LRRC61: variants seen among roughly 807,000 people sequenced by gnomAD.
The protein encoded by LRRC61 is leucine rich repeat containing 61.
Under a neutral mutation model 15.1 loss-of-function variants are expected in LRRC61, and 9 were observed. The ratio of observed to expected loss-of-function variants is 0.60; its 90% CI spans 0.36 to 1.04. The LOEUF (loss-of-function observed/expected upper bound fraction) is 1.04, where lower values mean the gene tolerates loss of function less well. LRRC61 is among the 50% of genes least tolerant of loss of function. LRRC61 has a pLI of 0.01. For missense variants in LRRC61, 344 were observed against 335.6 expected (o/e 1.03, Z -0.20); for synonymous variants, 173 against 158.6 (o/e 1.09, Z -0.68).
At position 150,330,305 on chromosome 7, in the gene LRRC61, G is replaced by A. The variant is rs921292063; in HGVS notation, c.-145+4295G>A. 13 of 707,444 alleles carry A rather than the reference G, an allele frequency of 1.8e-5. No homozygotes were observed. Among genetic ancestry groups the A allele is most frequent in the Non-Finnish European group, 3.3e-5 (13 of 389,642 alleles). 43.8% of individuals were successfully genotyped at this position (707,444 alleles called of 1,614,324 possible). On this transcript the variant is annotated intron_variant, in intron 2 of 2. Coordinates refer to ENST00000359623, the MANE Select transcript of LRRC61 (RefSeq NM_001142928.2). This position sits in a 1 kb window ranked among gnomAD's most constrained non-coding sequence, Gnocchi z 4.6. ...TGGAGCAGCAGCAGCCCCTTCAAGAGTACAAGGGCAGGCACCAGCTGGGGA... is the reference window on the plus strand; with the variant it reads ...TGGAGCAGCAGCAGCCCCTTCAAGAATACAAGGGCAGGCACCAGCTGGGGA...
At position 150,336,919 on chromosome 7, in the gene LRRC61, C is replaced by T; in HGVS notation, c.58C>T (p.Leu20=). The T allele has an allele frequency of 6.2e-7, 1 of 1,613,594 alleles. No individual in the cohort carries two copies. Among genetic ancestry groups the T allele is most frequent in the Non-Finnish European group, 8.5e-7 (1 of 1,179,970 alleles). The stretch of plus-strand genomic sequence containing the variant: ...TGGCGGACTGCAGATCACACCCCAG[C>T]TGCTGAAGTCACGCACAGGCGAGTT... The part of the protein sequence containing the change: ...EAGGLQITPQ[L]LKSRTGEFSL... Residue 20 remains leucine, a synonymous_variant, in exon 3 of 3, where the codon CTG becomes TTG. Coordinates refer to ENST00000359623, the MANE Select transcript of LRRC61 (RefSeq NM_001142928.2).
In LRRC61 at chr7:150,325,925, G is replaced by A. The variant is rs1797950714; in HGVS notation, c.-230G>A. On this transcript the variant is annotated 5_prime_UTR_variant, in exon 2 of 3. Transcript: ENST00000359623. ...CTTCTGTGGAAGAGAACATGGTGGT[G>A]TCACTGTTGTACCAGTGATGACACA... 1 of 152,666 alleles carries A rather than the reference G, an allele frequency of 6.6e-6. No homozygotes were observed. The highest frequency in any genetic ancestry group is 1.5e-5 in the Non-Finnish European group (1 of 68,036). 9.5% of individuals were successfully genotyped at this position (152,666 alleles called of 1,614,324 possible).
upstream of LRRC61, among the ~76,000 whole-genome samples, chr7:150,319,358 C>A (rs188710443): frequency 2.0e-5 from 3 of 152,286 alleles, no homozygotes; most frequent in East Asian, 3.9e-4. Context: ...CAGGCATGCA[C>A]CACCATGCCT....
In LRRC61 at chr7:150,323,433, C is replaced by G. The variant is rs1012732928; in HGVS notation, c.-442C>G. ...GGGCACGCGGCCCAGGGGTCAGGGGCCGCCAGGCGGCGGGCGGCGGGGCTG... is the reference window on the plus strand; with the variant it reads ...GGGCACGCGGCCCAGGGGTCAGGGGGCGCCAGGCGGCGGGCGGCGGGGCTG... On this transcript the variant is annotated 5_prime_UTR_variant, in exon 1 of 3. Transcript: ENST00000359623. The G allele has an allele frequency of 1.5e-5, 5 of 344,046 alleles. No homozygotes were observed. Among genetic ancestry groups the G allele is most frequent in the Non-Finnish European group, 2.8e-5 (5 of 181,584 alleles). 21.3% of individuals were successfully genotyped at this position (344,046 alleles called of 1,614,324 possible).
At chr7:150,329,556 G>A (rs1441713504) in intron 2 of LRRC61, among the ~76,000 whole-genome samples, 1 of 152,182 alleles carries the variant, frequency 6.6e-6, no homozygotes, top group East Asian at 1.9e-4. Flanking sequence ...CCCAAGAGTG[G>A]GCTGTGAGGA....
the LRRC61 span, among the ~76,000 whole-genome samples, chr7:150,312,367 G>A: frequency 2.6e-5 from 4 of 152,082 alleles, no homozygotes; most frequent in South Asian, 2.1e-4. Flanking sequence ...GAACTTCTCC[G>A]TTCAGACCGC....
upstream of LRRC61, among the ~76,000 whole-genome samples, chr7:150,320,533 T>C (rs1388158277): frequency 1.3e-5 from 2 of 152,094 alleles, no homozygotes; most frequent in Non-Finnish European, 1.5e-5. Context: ...GAGGCTGAGG[T>C]GGGTGGATCA....
rs150477903 is a variant in LRRC61 at position 150,337,488 on chromosome 7, C to T, written c.627C>T (p.Pro209=). ...WVEPGYWESW[P]SRSSSILEEA... is the part of the protein sequence containing the mutation. ...AGCCAGGCTACTGGGAGTCCTGGCC[C>T]AGCCGGAGCAGCTCCATCCTGGAGG... The change falls in exon 3 of 3, where the codon CCC becomes CCT. Residue 209 remains proline (P), a synonymous_variant. Coordinates refer to ENST00000359623, the MANE Select transcript of LRRC61 (RefSeq NM_001142928.2). 55 of 1,602,384 alleles carry T rather than the reference C, an allele frequency of 3.4e-5. No individual in the cohort carries two copies. The highest frequency in any genetic ancestry group is 5.3e-5 in the African/African-American group (4 of 74,910).
In LRRC61 at chr7:150,336,868, C is replaced by G. The variant is rs1406226868; in HGVS notation, c.7C>G (p.Pro3Ala). ...CCCAACCGACTTCCATCTCATGGAC[C>G]CTCCAGCGGAGAAGCCGGGAGAGGC... MD[P>A]PAEKPGEAGG... is the part of the protein sequence containing the mutation. Residue 3 changes from proline (P) to alanine (A), a missense_variant, in exon 3 of 3, where the codon CCT (proline) becomes GCT (alanine). Transcript: ENST00000359623. 4 of 1,609,620 alleles carry G rather than the reference C, an allele frequency of 2.5e-6. No individual in the cohort carries two copies. The South Asian group carries it at 4.4e-5, about 18-fold the overall frequency.
At chr7:150,329,138 A>C (rs1207947241) in intron 2 of LRRC61, among the ~76,000 whole-genome samples, 1 of 152,244 alleles carries the variant, frequency 6.6e-6, no homozygotes, top group Non-Finnish European at 1.5e-5. Flanking sequence ...AACATGAGGT[A>C]GTTCAATAGG....
the LRRC61 span, among the ~76,000 whole-genome samples, chr7:150,312,556 G>C: frequency 6.6e-6 from 1 of 152,142 alleles, no homozygotes; most frequent in Admixed American, 6.5e-5. Context: ...ACTGTTTTTA[G>C]AGAACTTATT....
At chr7:150,315,793 TA>T in the LRRC61 span, among the ~76,000 whole-genome samples, 1 of 151,928 alleles carries the variant, frequency 6.6e-6, no homozygotes, top group Non-Finnish European at 1.5e-5. Context: ...CTCCCCTTTT[TA>T]ATAAAAACAC....
At chr7:150,312,352 C>G in the LRRC61 span, among the ~76,000 whole-genome samples, 3 of 152,194 alleles carry the variant, frequency 2.0e-5, no homozygotes, top group Non-Finnish European at 4.4e-5. Context: ...GCAATCAAAA[C>G]TATTGAACTT....
chr7:150,334,611 C>T (rs1798228142), intron 2 of LRRC61, among the ~76,000 whole-genome samples: 1 of 152,248 alleles, frequency 6.6e-6, no homozygotes, highest in African/African-American at 2.4e-5. Flanking sequence ...TCCCTCCAGC[C>T]TGGAGCTCCA....
intron 1 of LRRC61, 60 bp downstream of exon 1, chr7:150,323,620 G>C (rs1476678603): frequency 2.2e-6 from 1 of 454,102 alleles, no homozygotes; most frequent in East Asian, 7.1e-5. Context: ...GGCCCGTGCC[G>C]GCCCCGGGGG....
In LRRC61 at chr7:150,337,125, G is replaced by A. The variant is rs200032049; in HGVS notation, c.264G>A (p.Thr88=). 33 of 1,612,038 alleles carry A rather than the reference G, an allele frequency of 2.0e-5. No homozygotes were observed. The highest frequency in any genetic ancestry group is 2.0e-4 in the East Asian group (9 of 44,878). The change falls in exon 3 of 3, where the codon ACG becomes ACA. Residue 88 remains threonine, a synonymous_variant. Transcript: ENST00000359623. ...AVLNVSNNRL[T]GLEPLATCEN... Reference sequence around the variant, plus strand: ...TCAATGTCTCCAACAATCGGCTGACGGGCCTGGAGCCACTGGCCACCTGTG... The same window carrying A: ...TCAATGTCTCCAACAATCGGCTGACAGGCCTGGAGCCACTGGCCACCTGTG...
chr7:150,315,151 T>C, the LRRC61 span, among the ~76,000 whole-genome samples: 841 of 148,624 alleles, frequency 5.7e-3, 6 homozygotes, highest in African/African-American at 0.02. Flanking sequence ...TTTATTATTA[T>C]TTTAAAAATA....
the LRRC61 span, among the ~76,000 whole-genome samples, chr7:150,315,037 T>G: frequency 1.4e-5 from 2 of 147,360 alleles, no homozygotes; most frequent in Non-Finnish European, 3.0e-5. Context: ...ATAAATAATA[T>G]TAATAATTAC....
At chr7:150,314,662 G>A in the LRRC61 span, among the ~76,000 whole-genome samples, 2 of 151,294 alleles carry the variant, frequency 1.3e-5, no homozygotes, top group East Asian at 3.9e-4. Context: ...AATGTTTAAG[G>A]CTGAGCTTGG....
Sources: gnomAD v4.1 joint callset for allele counts (sites outside exome capture counted in the v4.1 genomes callset) on GRCh38, gnomAD v4.1.1 for gene constraint, Gnocchi (gnomAD v3.1) non-coding constraint, MANE v1.5 for transcripts, NCBI Gene and HGNC (gene_info 2026-07-23, HGNC 2026-07-21) for gene names.